Variants in PRKCB observed in about 807,000 individuals in gnomAD.
The protein encoded by PRKCB is protein kinase C beta, also known as protein kinase C beta type.
A neutral mutation model predicts 81.5 loss-of-function variants in PRKCB; 13 were observed. The ratio of observed to expected loss-of-function variants is 0.16; its 90% CI spans 0.10 to 0.25. The LOEUF (loss-of-function observed/expected upper bound fraction) is 0.25. Ranked by LOEUF, PRKCB falls within the 10% of genes least tolerant of loss-of-function variation. The pLI is 1.00. For missense variants in PRKCB, 509 were observed against 875.7 expected (o/e 0.58, Z 5.29); for synonymous variants, 335 against 321.4 (o/e 1.04, Z -0.45).
intron 2 of PRKCB, among the ~76,000 whole-genome samples, chr16:23,860,304 G>C (rs1962644188): frequency 6.6e-6 from 1 of 152,068 alleles, no homozygotes; most frequent in Admixed American, 6.6e-5. Flanking sequence ...TTGATACATA[G>C]AAATATCATG....
At chr16:24,212,305 A>G (rs573177711) in intron 16 of PRKCB, among the ~76,000 whole-genome samples, 1 of 151,278 alleles carries the variant, frequency 6.6e-6, no homozygotes, top group South Asian at 2.1e-4. Flanking sequence ...AAAAGGTCAT[A>G]TATTCAAAAA....
At chr16:24,104,065 A>G (rs1339108551) in intron 7 of PRKCB, among the ~76,000 whole-genome samples, 1 of 152,146 alleles carries the variant, frequency 6.6e-6, no homozygotes, top group African/African-American at 2.4e-5. Context: ...TCGGCCTCCC[A>G]AAGTGCTGGG....
At chr16:24,130,720 G>A (rs1966852144) in intron 9 of PRKCB, among the ~76,000 whole-genome samples, 1 of 152,204 alleles carries the variant, frequency 6.6e-6, no homozygotes, top group South Asian at 2.1e-4. Context: ...AATCCCTAGA[G>A]CTTTGTTTTT....
intron 5 of PRKCB, among the ~76,000 whole-genome samples, chr16:24,074,839 G>C (rs1422003647): frequency 6.6e-6 from 1 of 152,118 alleles, no homozygotes; most frequent in African/African-American, 2.4e-5. Context: ...TTAAATTAAC[G>C]AGCTTGGCCT....
chr16:23,892,580 A>G (rs1963311722), intron 2 of PRKCB, among the ~76,000 whole-genome samples: 1 of 152,258 alleles, frequency 6.6e-6, no homozygotes, highest in South Asian at 2.1e-4. Flanking sequence ...AAGCACTTGC[A>G]TTCCCATTTA....
intron 5 of PRKCB, among the ~76,000 whole-genome samples, chr16:24,040,612 C>A (rs1965686270): frequency 6.6e-6 from 1 of 152,130 alleles, no homozygotes; most frequent in Non-Finnish European, 1.5e-5. Context: ...GCAAGGTGGG[C>A]ATCACTAAAT....
rs185097995 is a variant in PRKCB, at chr16:23,928,188, T to G, written c.206-60320T>G. ...TTGCCCAGGCTGGAGTGCAATGGCA[T>G]GATCTCAGCTCACTGCAACCTCCAC... On this transcript the variant is annotated intron_variant, in intron 2 of 16. Transcript: ENST00000643927. Among the ~76,000 whole-genome samples, 257 of 152,156 alleles carry G rather than the reference T, an allele frequency of 1.7e-3. 5 individuals are homozygous for G. Among genetic ancestry groups the G allele is most frequent in the Admixed American group, 0.014 (218 of 15,284 alleles).
chr16:23,902,728 T>TCCTCCCTCCCCCCCCCCCTCCCTC (rs1482776399), intron 2 of PRKCB, among the ~76,000 whole-genome samples: 1 of 20,340 alleles, frequency 4.9e-5, no homozygotes, highest in Non-Finnish European at 8.3e-5. Flanking sequence ...CTCCCTCCCT[T>TCCTCCCTCCCCCCCCCCCTCCCTC]CCTCCCTTCC....
chr16:23,993,024 G>T (rs975313686), intron 3 of PRKCB, among the ~76,000 whole-genome samples: 2 of 152,060 alleles, frequency 1.3e-5, no homozygotes, highest in African/African-American at 4.8e-5. Context: ...AAACAGTAAT[G>T]GCTTTCCCTG....
At chr16:23,900,070 G>A (rs1466138251) in intron 2 of PRKCB, among the ~76,000 whole-genome samples, 1 of 152,120 alleles carries the variant, frequency 6.6e-6, no homozygotes, top group Non-Finnish European at 1.5e-5. Context: ...GGCAATGTCT[G>A]GAGACATTTT....
chr16:23,893,532 T>TA (rs1963326469), intron 2 of PRKCB: 2 of 152,214 alleles, frequency 1.3e-5, no homozygotes, highest in South Asian at 2.1e-4. Flanking sequence ...AGTTCTGACT[T>TA]ACGATCAAGG....
At chr16:23,985,603 T>C (rs1156470490) in intron 2 of PRKCB, among the ~76,000 whole-genome samples, 2 of 152,240 alleles carry the variant, frequency 1.3e-5, no homozygotes, top group Non-Finnish European at 2.9e-5. Flanking sequence ...ATCTTGAATT[T>C]AATTTCTAAA....
At chr16:24,042,875 C>T (rs1965720038) in intron 5 of PRKCB, among the ~76,000 whole-genome samples, 1 of 151,904 alleles carries the variant, frequency 6.6e-6, no homozygotes, top group African/African-American at 2.4e-5. Context: ...GTAGCTGGGA[C>T]TACAGGCATG....
intron 10 of PRKCB, 117 bp downstream of exon 10, chr16:24,154,974 G>T: frequency 8.0e-7 from 1 of 1,257,508 alleles, no homozygotes; most frequent in East Asian, 2.5e-5. Context: ...TCTAGACACA[G>T]AAAGATGTAA....
chr16:23,932,693 G>A (rs1330234418), intron 2 of PRKCB, among the ~76,000 whole-genome samples: 1 of 152,220 alleles, frequency 6.6e-6, no homozygotes, highest in African/African-American at 2.4e-5. Flanking sequence ...CTGGCTCAGA[G>A]GTCATGTGGA....
chr16:24,029,163 C>T (rs908712767), intron 3 of PRKCB, among the ~76,000 whole-genome samples: 9 of 152,224 alleles, frequency 5.9e-5, no homozygotes, highest in Non-Finnish European at 1.2e-4. Context: ...TCTTTCTTCA[C>T]TAACACTTGG....
At chr16:24,120,211 C>T (rs1018812000) in intron 8 of PRKCB, among the ~76,000 whole-genome samples, 12 of 151,844 alleles carry the variant, frequency 7.9e-5, no homozygotes, top group East Asian at 3.9e-4. Context: ...CGGGGGGCGT[C>T]GACTGGGAAC....
chr16:24,057,457 C>CTCAT lies in PRKCB; in HGVS notation c.529+21926_529+21929dup, dbSNP rs112377315. ...AACAAAAAGAGCTTTCCTTTCATAC[C>CTCAT]TCATTCATTCATTCATTCACTTATT... On this transcript the variant is annotated intron_variant, in intron 5 of 16. Transcript: ENST00000643927. Among the ~76,000 whole-genome samples the CTCAT allele has an allele frequency of 3.2e-3, 490 of 152,252 alleles. 2 individuals carry two copies. Among genetic ancestry groups the CTCAT allele is most frequent in the African/African-American group, 0.011 (463 of 41,526 alleles).
At chr16:23,857,616 G>T (rs34523093) in intron 2 of PRKCB, among the ~76,000 whole-genome samples, 10,257 of 152,208 alleles carry the variant, frequency 0.067, 448 homozygotes, top group South Asian at 0.2. Flanking sequence ...GGGCCATAGG[G>T]GGGCCAGGGC....
Sources: gnomAD v4.1 joint callset for allele counts (sites outside exome capture counted in the v4.1 genomes callset) on GRCh38, gnomAD v4.1.1 for gene constraint, MANE v1.5 for transcripts, NCBI Gene and HGNC (gene_info 2026-07-23, HGNC 2026-07-21) for gene names.